TGFBR3: variants seen among roughly 807,000 people sequenced by gnomAD.
TGFBR3 encodes the protein transforming growth factor beta receptor type 3.
In TGFBR3, 46 loss-of-function variants were observed where a neutral mutation model predicts 87.9. The observed-to-expected ratio is 0.52, with a 90% CI of 0.41 to 0.67. The LOEUF (loss-of-function observed/expected upper bound fraction) is 0.67. Ranked by LOEUF, TGFBR3 falls within the 30% of genes least tolerant of loss-of-function variation. The pLI is 0.00. For missense variants in TGFBR3, 866 were observed against 1,041.9 expected (o/e 0.83, Z 2.32); for synonymous variants, 381 against 391.6 (o/e 0.97, Z 0.32).
chr1:91,831,512 G>A (rs1314159611), intron 2 of TGFBR3, among the ~76,000 whole-genome samples: 2 of 152,184 alleles, frequency 1.3e-5, no homozygotes, highest in Non-Finnish European at 2.9e-5. Context: ...ACAAGGAAAG[G>A]AAAATGGAAA....
At chr1:91,741,976 C>G (rs1030271607) in intron 4 of TGFBR3, among the ~76,000 whole-genome samples, 4 of 152,172 alleles carry the variant, frequency 2.6e-5, no homozygotes, top group African/African-American at 9.7e-5. Flanking sequence ...TCTGCCCGCC[C>G]TCATCTCATG....
At chr1:91,853,818 C>T (rs867279281) in intron 2 of TGFBR3, among the ~76,000 whole-genome samples, 1 of 152,140 alleles carries the variant, frequency 6.6e-6, no homozygotes, top group Non-Finnish European at 1.5e-5. Context: ...TCGAGACCAG[C>T]GTGGCCAATA....
Position 91,719,425 on chromosome 1 carries a change from GA to G in TGFBR3, c.1452del (p.Pro485LeufsTer7). 1 of 1,614,128 alleles carries G rather than the reference GA, an allele frequency of 6.2e-7. No individual in the cohort carries two copies. Among genetic ancestry groups the G allele is most frequent in the Non-Finnish European group, 8.5e-7 (1 of 1,180,020 alleles). ...GYSGMDVTLL[D>X]PTCKAKMNGT... is the part of the protein sequence containing the mutation. ...CCATTCATCTTGGCCTTGCAGGTAG[GA>G]TCCAACAGGGTGACGTCCATCCCCG... On this transcript the variant is annotated frameshift_variant, in exon 10 of 17. Coordinates refer to ENST00000212355, the MANE Select transcript of TGFBR3 (RefSeq NM_003243.5). LOFTEE classifies it high-confidence loss of function.
At chr1:91,899,430 G>T (rs777599803) in intron 2 of TGFBR3, among the ~76,000 whole-genome samples, 1 of 151,726 alleles carries the variant, frequency 6.6e-6, no homozygotes, top group East Asian at 2.0e-4. Flanking sequence ...CACTTGAGCC[G>T]AGGAGGTTGA....
chr1:91,724,368 C>T (rs545790807), intron 7 of TGFBR3, among the ~76,000 whole-genome samples: 10 of 152,340 alleles, frequency 6.6e-5, no homozygotes, highest in African/African-American at 2.4e-4. Flanking sequence ...AGCTACATGT[C>T]ATTTTGATTG....
At chr1:91,876,283 A>G (rs1163849106) in intron 1 of TGFBR3, among the ~76,000 whole-genome samples, 2 of 152,202 alleles carry the variant, frequency 1.3e-5, no homozygotes. Flanking sequence ...GGTGTGAGAA[A>G]CAGGAACTAA....
intron 2 of TGFBR3, among the ~76,000 whole-genome samples, chr1:91,807,014 G>A (rs1227725485): frequency 2.6e-5 from 4 of 152,106 alleles, no homozygotes; most frequent in Admixed American, 6.5e-5. Context: ...AGGATATGAC[G>A]CAAAAACAAA....
At chr1:91,709,174 T>C (rs1490112217) in intron 13 of TGFBR3, among the ~76,000 whole-genome samples, 1 of 152,228 alleles carries the variant, frequency 6.6e-6, no homozygotes, top group Non-Finnish European at 1.5e-5. Flanking sequence ...AAATTTCCCA[T>C]AAAGACGCTC....
In TGFBR3 at chr1:91,794,508, T is replaced by C. The variant is rs187964365; in HGVS notation, c.246+2779A>G. Among the ~76,000 whole-genome samples the C allele has an allele frequency of 2.1e-4, 29 of 140,342 alleles. No individual in the cohort carries two copies. The East Asian group carries it at 5.4e-3, about 26-fold the overall frequency. The allele number at this position is 140,342 out of a possible 152,430, so 92.1% of individuals were successfully genotyped here. The stretch of plus-strand genomic sequence containing the variant: ...GTGAGCCACCTCGCCCGGCCTCCAC[T>C]TTTTTAAAAAAACATGTAACGTTTA... On this transcript the variant is annotated intron_variant, in intron 3 of 16. Coordinates refer to ENST00000212355, the MANE Select transcript of TGFBR3 (RefSeq NM_003243.5).
chr1:91,885,301 G>T (rs531640828), intron 1 of TGFBR3, among the ~76,000 whole-genome samples: 1 of 145,552 alleles, frequency 6.9e-6, no homozygotes, highest in African/African-American at 2.5e-5. Flanking sequence ...GACAGTCCAA[G>T]ATTTCCAAGT....
At chr1:91,781,564 G>GT (rs1374068772) in intron 3 of TGFBR3, among the ~76,000 whole-genome samples, 1 of 152,134 alleles carries the variant, frequency 6.6e-6, no homozygotes, top group African/African-American at 2.4e-5. Context: ...TATGAGTACC[G>GT]TAAGTATGAG....
chr1:91,740,525 C>T (rs144276845), intron 4 of TGFBR3, among the ~76,000 whole-genome samples: 1,734 of 152,068 alleles, frequency 0.011, 28 homozygotes, highest in African/African-American at 0.039. Flanking sequence ...CCATCAGGCC[C>T]GGCTAATTTT....
chr1:91,726,089 A>G (rs1033408917), intron 7 of TGFBR3, among the ~76,000 whole-genome samples: 2 of 152,228 alleles, frequency 1.3e-5, no homozygotes, highest in Admixed American at 6.5e-5. Flanking sequence ...GGAGAGGAAC[A>G]TAAACAGATC....
intron 13 of TGFBR3, among the ~76,000 whole-genome samples, chr1:91,711,724 T>C (rs17131531): frequency 0.072 from 10,992 of 152,228 alleles, 420 homozygotes; most frequent in Non-Finnish European, 0.088. Flanking sequence ...CAATAGAACA[T>C]TCAATCTGGA....
chr1:91,829,458 T>C (rs919456769), intron 2 of TGFBR3, among the ~76,000 whole-genome samples: 1 of 149,888 alleles, frequency 6.7e-6, no homozygotes, highest in Non-Finnish European at 1.5e-5. Context: ...AGAAGACCCA[T>C]GCACTGGCTG....
chr1:91,763,273 G>A (rs564879726), intron 3 of TGFBR3, among the ~76,000 whole-genome samples: 3 of 152,242 alleles, frequency 2.0e-5, no homozygotes, highest in African/African-American at 4.8e-5. Context: ...TAAAACGAAC[G>A]AAAAAGCAAA....
intron 2 of TGFBR3, among the ~76,000 whole-genome samples, chr1:91,897,240 G>A (rs906894923): frequency 6.6e-6 from 1 of 152,160 alleles, no homozygotes; most frequent in African/African-American, 2.4e-5. Context: ...AGCCTGCGGG[G>A]GTATCAGGCA....
chr1:91,797,398 G>A lies in TGFBR3; in HGVS notation c.135C>T (p.Ser45=), dbSNP rs764288602. The A allele has an allele frequency of 6.2e-7, 1 of 1,614,254 alleles. No individual in the cohort carries two copies. The highest frequency in any genetic ancestry group is 1.1e-5 in the South Asian group (1 of 91,090). The change falls in exon 3 of 17, where the codon AGC becomes AGT. Residue 45 remains serine (S), a synonymous_variant. Transcript: ENST00000212355. ...TGGCACAGCCTGACAAAACAGTGAA[G>A]CTCTCCATCAAGGCCTGGACAGGAT... ...ASHPVQALME[S]FTVLSGCASR...
chr1:91,770,070 C>T (rs2100929648), intron 3 of TGFBR3, among the ~76,000 whole-genome samples: 1 of 152,290 alleles, frequency 6.6e-6, no homozygotes, highest in Non-Finnish European at 1.5e-5. Flanking sequence ...CTAGGCTGGA[C>T]TGCCTGCCCT....
Sources: gnomAD v4.1 joint callset for allele counts (sites outside exome capture counted in the v4.1 genomes callset) on GRCh38, gnomAD v4.1.1 for gene constraint, MANE v1.5 for transcripts, NCBI Gene and HGNC (gene_info 2026-07-23, HGNC 2026-07-21) for gene names.